Variants in CACNA2D3 observed in about 807,000 individuals in gnomAD.
The protein encoded by CACNA2D3 is voltage-dependent calcium channel subunit alpha-2/delta-3.
CACNA2D3 carries 60 observed loss-of-function variants against 160.6 expected under a neutral mutation model. The ratio of observed to expected loss-of-function variants is 0.37; its 90% confidence interval spans 0.30 to 0.46. CACNA2D3 has a LOEUF of 0.46. Among genes scored for constraint, CACNA2D3 ranks in the 20% least tolerant of loss-of-function variants. CACNA2D3 has a pLI of 1.00. For missense variants in CACNA2D3, 1,205 were observed against 1,365.0 expected (o/e 0.88, Z 1.85); for synonymous variants, 558 against 492.9 (o/e 1.13, Z -1.75).
chr3:54,145,219 T>C (rs952662639), intron 2 of CACNA2D3, among the ~76,000 whole-genome samples: 4 of 152,236 alleles, frequency 2.6e-5, no homozygotes, highest in African/African-American at 7.2e-5. Context: ...GAATTAACAA[T>C]GGCTAATTAA....
intron 2 of CACNA2D3, among the ~76,000 whole-genome samples, chr3:54,292,856 C>A (rs1423404049): frequency 6.6e-6 from 1 of 152,166 alleles, no homozygotes; most frequent in Non-Finnish European, 1.5e-5. Context: ...AAAGAAGAGA[C>A]TGAAATAGAG....
intron 2 of CACNA2D3, among the ~76,000 whole-genome samples, chr3:54,218,806 G>A (rs1363610411): frequency 6.6e-6 from 1 of 152,140 alleles, no homozygotes; most frequent in African/African-American, 2.4e-5. Context: ...GCTTCTAGAG[G>A]CTGTCCTTGG....
intron 4 of CACNA2D3, among the ~76,000 whole-genome samples, chr3:54,407,631 G>C (rs1000348478): frequency 1.3e-5 from 2 of 152,142 alleles, no homozygotes; most frequent in African/African-American, 4.8e-5. Context: ...CATTTCATTT[G>C]AGTAGGCATT....
intron 13 of CACNA2D3, among the ~76,000 whole-genome samples, chr3:54,770,359 C>G (rs1278293498): frequency 6.6e-6 from 1 of 152,020 alleles, no homozygotes; most frequent in Non-Finnish European, 1.5e-5. Flanking sequence ...TTTGATGAAT[C>G]CGATTTTTCC....
intron 3 of CACNA2D3, among the ~76,000 whole-genome samples, chr3:54,341,998 AGATGTTGCT>A (rs1211612540): frequency 6.6e-6 from 1 of 152,188 alleles, no homozygotes; most frequent in Admixed American, 6.5e-5. Flanking sequence ...ATTAAGGAGT[AGATGTTGCT>A]ATCTCTCCAT....
At chr3:54,579,002 G>T (rs1702632472) in intron 8 of CACNA2D3, among the ~76,000 whole-genome samples, 1 of 152,200 alleles carries the variant, frequency 6.6e-6, no homozygotes, top group Non-Finnish European at 1.5e-5. Context: ...AGGCCACACA[G>T]TGAGTACACG....
chr3:54,180,723 C>G (rs997302197), intron 2 of CACNA2D3, among the ~76,000 whole-genome samples: 1 of 152,230 alleles, frequency 6.6e-6, no homozygotes, highest in African/African-American at 2.4e-5. Flanking sequence ...CCATACCTGT[C>G]TCTTGCCCTA....
At chr3:54,583,903 TAA>T (rs955941654) in intron 9 of CACNA2D3, among the ~76,000 whole-genome samples, 12 of 141,250 alleles carry the variant, frequency 8.5e-5, no homozygotes, top group Admixed American at 7.1e-5. Context: ...AGGCACAGAT[TAA>T]AAAAAAAAAA....
chr3:54,173,377 T>C (rs1266087149), intron 2 of CACNA2D3, among the ~76,000 whole-genome samples: 1 of 152,328 alleles, frequency 6.6e-6, no homozygotes, highest in East Asian at 1.9e-4. Flanking sequence ...CAATTAGTAT[T>C]AAAATAGCCC....
chr3:54,930,106 T>C (rs1293192933), intron 27 of CACNA2D3, among the ~76,000 whole-genome samples: 2 of 152,218 alleles, frequency 1.3e-5, no homozygotes, highest in Non-Finnish European at 2.9e-5. Context: ...AATCAATGGG[T>C]GTGCCTGCAT....
intron 4 of CACNA2D3, among the ~76,000 whole-genome samples, chr3:54,407,702 G>C (rs765235724): frequency 2.0e-5 from 3 of 152,070 alleles, no homozygotes; most frequent in Non-Finnish European, 2.9e-5. Flanking sequence ...GTTATTTGGT[G>C]GTCACATGTT....
At chr3:54,786,502 A>G (rs1464274774) in intron 13 of CACNA2D3, among the ~76,000 whole-genome samples, 1 of 152,152 alleles carries the variant, frequency 6.6e-6, no homozygotes, top group Non-Finnish European at 1.5e-5. Flanking sequence ...CAGTATGGTT[A>G]TCTTTATTTA....
intron 2 of CACNA2D3, among the ~76,000 whole-genome samples, chr3:54,293,563 T>TTTTATATATATA (rs1553783373): frequency 6.7e-6 from 1 of 149,724 alleles, no homozygotes; most frequent in Non-Finnish European, 1.5e-5. Context: ...TAATATTCTA[T>TTTTATATATATA]TATATATATA....
At position 54,374,518 on chromosome 3, in the gene CACNA2D3, A is replaced by T. The variant is rs563924883; in HGVS notation, c.322-12197A>T. The stretch of plus-strand genomic sequence containing the variant: ...CACTCTTAGTCACAAGATTGAATGG[A>T]CTTCACTTTTAAAAACATTCTGTGC... On this transcript the variant is annotated intron_variant, in intron 3 of 37. Transcript: ENST00000474759. Among the ~76,000 whole-genome samples, 143 of 152,266 alleles carry T rather than the reference A, an allele frequency of 9.4e-4. 1 individual carries two copies. The highest frequency in any genetic ancestry group is 3.3e-3 in the African/African-American group (136 of 41,550).
chr3:54,806,002 A>T (rs1258055130), intron 13 of CACNA2D3, among the ~76,000 whole-genome samples: 2 of 152,114 alleles, frequency 1.3e-5, no homozygotes, highest in Admixed American at 1.3e-4. Context: ...AAATTCAACA[A>T]CCCTTCATGC....
intron 9 of CACNA2D3, chr3:54,626,363 G>C: frequency 6.4e-7 from 1 of 1,560,448 alleles, no homozygotes; most frequent in Non-Finnish European, 8.7e-7. Flanking sequence ...GGCCTGCGGC[G>C]GAAGCAGCAC....
At chr3:54,237,382 C>G (rs1701898919) in intron 2 of CACNA2D3, among the ~76,000 whole-genome samples, 1 of 151,566 alleles carries the variant, frequency 6.6e-6, no homozygotes, top group Non-Finnish European at 1.5e-5. Context: ...CTTCCCAGAC[C>G]CACCTAGATC....
At chr3:54,272,196 G>T (rs1365466745) in intron 2 of CACNA2D3, among the ~76,000 whole-genome samples, 1 of 152,122 alleles carries the variant, frequency 6.6e-6, no homozygotes, top group African/African-American at 2.4e-5. Flanking sequence ...GTGTTAGGTG[G>T]GCATTACCAG....
chr3:54,357,179 C>T (rs1698663789), intron 3 of CACNA2D3, among the ~76,000 whole-genome samples: 1 of 152,118 alleles, frequency 6.6e-6, no homozygotes, highest in African/African-American at 2.4e-5. Context: ...TTTTCCATGG[C>T]ACCATGTTGC....
Sources: gnomAD v4.1 joint callset for allele counts (sites outside exome capture counted in the v4.1 genomes callset) on GRCh38, gnomAD v4.1.1 for gene constraint, MANE v1.5 for transcripts, NCBI Gene and HGNC (gene_info 2026-07-23, HGNC 2026-07-21) for gene names.